SKAP2: variants seen among roughly 807,000 people sequenced by gnomAD.
SKAP2 encodes src kinase-associated phosphoprotein 2.
Under a neutral mutation model 54.9 loss-of-function variants are expected in SKAP2, and 28 were observed. The observed-to-expected ratio is 0.51, with a 90% CI of 0.38 to 0.70. The LOEUF is 0.70. Ranked by LOEUF, SKAP2 falls within the 30% of genes least tolerant of loss-of-function variation. SKAP2 has a pLI of 0.00. For synonymous variants in SKAP2, 137 were observed against 134.3 expected (o/e 1.02, Z -0.14); for missense variants, 356 against 424.1 (o/e 0.84, Z 1.41).
intron 4 of SKAP2, among the ~76,000 whole-genome samples, chr7:26,787,844 C>A (rs996512159): frequency 3.3e-5 from 5 of 152,108 alleles, no homozygotes; most frequent in Non-Finnish European, 5.9e-5. Context: ...CCTCTAACAG[C>A]GGGGATTACA....
chr7:26,802,752 G>A (rs112574112), intron 4 of SKAP2, among the ~76,000 whole-genome samples: 178 of 152,102 alleles, frequency 1.2e-3, no homozygotes, highest in Admixed American at 3.5e-3. Context: ...ATGGTAGCAC[G>A]TGCCTGTAGT....
At chr7:26,663,061 T>C (rs1180688053), downstream of SKAP2, among the ~76,000 whole-genome samples, 5 of 152,082 alleles carry the variant, frequency 3.3e-5, no homozygotes, top group Non-Finnish European at 7.4e-5. Flanking sequence ...GAGATCTACT[T>C]GGGCAGCTGG....
chr7:26,810,873 G>C (rs1562619789), intron 4 of SKAP2, among the ~76,000 whole-genome samples: 1 of 151,984 alleles, frequency 6.6e-6, no homozygotes, highest in Non-Finnish European at 1.5e-5. Context: ...GTAGAGACGG[G>C]GTTTCACCAT....
intron 4 of SKAP2, among the ~76,000 whole-genome samples, chr7:26,755,582 G>A (rs541078244): frequency 6.6e-6 from 1 of 152,256 alleles, no homozygotes; most frequent in East Asian, 1.9e-4. Flanking sequence ...GATTTGTAGT[G>A]TTTCCTGAGC....
chr7:26,718,484 TTTTTA>T (rs1262804694), intron 9 of SKAP2, among the ~76,000 whole-genome samples: 9 of 151,782 alleles, frequency 5.9e-5, no homozygotes, highest in African/African-American at 1.2e-4. Flanking sequence ...GACTTCCACT[TTTTTA>T]TTTTATTTTA....
chr7:26,712,985 G>A (rs1343460510), intron 9 of SKAP2, among the ~76,000 whole-genome samples: 1 of 152,170 alleles, frequency 6.6e-6, no homozygotes, highest in Non-Finnish European at 1.5e-5. Context: ...AGTAATTCAG[G>A]ACACATTTTT....
chr7:26,841,546 A>G (rs934139806), intron 4 of SKAP2, among the ~76,000 whole-genome samples: 1 of 152,076 alleles, frequency 6.6e-6, no homozygotes, highest in Non-Finnish European at 1.5e-5. Flanking sequence ...ATTAGAAGAT[A>G]TAACTTATGC....
At chr7:26,801,838 T>A (rs1450161851) in intron 4 of SKAP2, among the ~76,000 whole-genome samples, 2 of 152,118 alleles carry the variant, frequency 1.3e-5, no homozygotes, top group Non-Finnish European at 2.9e-5. Flanking sequence ...AAAATACTTA[T>A]AAAGAAAATT....
the SKAP2 span, among the ~76,000 whole-genome samples, chr7:26,661,631 C>A: frequency 3.3e-5 from 5 of 151,982 alleles, no homozygotes; most frequent in Non-Finnish European, 7.4e-5. Flanking sequence ...ATGACTTGAT[C>A]AAAAAATGCA....
intron 4 of SKAP2, among the ~76,000 whole-genome samples, chr7:26,793,029 T>C (rs988551983): frequency 2.6e-5 from 4 of 152,186 alleles, no homozygotes; most frequent in African/African-American, 9.7e-5. Context: ...AACGAATTCT[T>C]TTCTAATGGC....
At chr7:26,715,659 A>G (rs1189376409) in intron 9 of SKAP2, among the ~76,000 whole-genome samples, 1 of 152,078 alleles carries the variant, frequency 6.6e-6, no homozygotes, top group Non-Finnish European at 1.5e-5. Flanking sequence ...CACACCTATA[A>G]TCCCAGCTAT....
chr7:26,810,809 G>A (rs560951751), intron 4 of SKAP2, among the ~76,000 whole-genome samples: 137 of 152,172 alleles, frequency 9.0e-4, no homozygotes, highest in African/African-American at 2.6e-3. Context: ...AGCCTCCCGC[G>A]TAGCTGGGAC....
the SKAP2 span, among the ~76,000 whole-genome samples, chr7:26,659,052 G>A: frequency 6.6e-6 from 1 of 151,936 alleles, no homozygotes; most frequent in Admixed American, 6.6e-5. Context: ...GTGGGGCGGG[G>A]GCTTATTCCA....
At chr7:26,790,359 C>G (rs1016341299) in intron 4 of SKAP2, among the ~76,000 whole-genome samples, 5 of 152,106 alleles carry the variant, frequency 3.3e-5, no homozygotes, top group Admixed American at 3.3e-4. Flanking sequence ...AAATGACTGA[C>G]AGAAGAGCTA....
At chr7:26,673,866 A>G (rs1294906169) in intron 11 of SKAP2, among the ~76,000 whole-genome samples, 1 of 152,146 alleles carries the variant, frequency 6.6e-6, no homozygotes, top group Non-Finnish European at 1.5e-5. Context: ...TAGTTATGAT[A>G]AAGTGAAACA....
At chr7:26,732,026 T>G (rs770265023) in intron 6 of SKAP2, among the ~76,000 whole-genome samples, 24 of 152,230 alleles carry the variant, frequency 1.6e-4, no homozygotes, top group Non-Finnish European at 3.1e-4. Flanking sequence ...CTACAAGTTA[T>G]GGACATTTAT....
At position 26,795,101 on chromosome 7, in the gene SKAP2, C is replaced by T. The variant is rs557322125; in HGVS notation, c.307+48929G>A. On this transcript the variant is annotated intron_variant, in intron 4 of 12. Transcript: ENST00000345317. ...GATTTTACTAATAAACAGAAAATGT[C>T]CTAAAAGTTCAAAAGAGAAGAGTCA... Among the ~76,000 whole-genome samples, 89 of 152,262 alleles carry T rather than the reference C, an allele frequency of 5.8e-4. 2 individuals carry two copies. The South Asian group carries it at 0.018, about 31-fold the overall frequency.
At chr7:26,817,492 G>A (rs1784292545) in intron 4 of SKAP2, among the ~76,000 whole-genome samples, 1 of 151,944 alleles carries the variant, frequency 6.6e-6, no homozygotes, top group African/African-American at 2.4e-5. Flanking sequence ...TGTATATAAA[G>A]AACAACACCT....
rs1264398113 is a variant in SKAP2 at position 26,727,004 on chromosome 7, T to G, written c.472A>C (p.Lys158Gln). 3 of 1,597,974 alleles carry G rather than the reference T, an allele frequency of 1.9e-6. No homozygotes were observed. In the African/African-American group the frequency reaches 4.0e-5, roughly 22 times the overall value. Residue 158 changes from lysine (K) to glutamine (Q), a missense_variant and splice_region_variant, in exon 7 of 13, where the codon AAA becomes CAA. By Grantham distance (53) the Lys-to-Gln change is moderately conservative. Coordinates refer to ENST00000345317, the MANE Select transcript of SKAP2 (RefSeq NM_003930.5). ...VFYYYGSDKD[K>Q]QQKGEFAIDG... is the part of the protein sequence containing the mutation. Reference sequence around the variant, plus strand: ...ATTGCAAATTCACCTTTCTGTTGTTTGTCTGTTGAAGATAAAACCAGTTAG... The same window carrying G: ...ATTGCAAATTCACCTTTCTGTTGTTGGTCTGTTGAAGATAAAACCAGTTAG...
Sources: allele counts gnomAD v4.1 joint callset (sites outside exome capture counted in the v4.1 genomes callset), GRCh38; gene constraint gnomAD v4.1.1; transcripts MANE v1.5; gene names NCBI Gene and HGNC (gene_info 2026-07-23, HGNC 2026-07-21).